DLGAP1: variants seen among roughly 807,000 people sequenced by gnomAD.
DLGAP1 encodes the protein disks large-associated protein 1.
A neutral mutation model predicts 90.8 loss-of-function variants in DLGAP1; 11 were observed. The observed-to-expected ratio is 0.12, with a 90% confidence interval of 0.08 to 0.20. The LOEUF (loss-of-function observed/expected upper bound fraction) is 0.20. Among genes scored for constraint, DLGAP1 ranks in the 10% least tolerant of loss-of-function variants. DLGAP1 has a pLI of 1.00. For missense variants in DLGAP1, 1,050 were observed against 1,333.8 expected (o/e 0.79, Z 3.31); for synonymous variants, 558 against 540.7 (o/e 1.03, Z -0.44).
chr18:4,085,596 C>T (rs1336552440), intron 2 of DLGAP1, among the ~76,000 whole-genome samples: 1 of 152,208 alleles, frequency 6.6e-6, no homozygotes, highest in Non-Finnish European at 1.5e-5. Flanking sequence ...AACCTTCTAA[C>T]TGCCAATATC....
intron 5 of DLGAP1, among the ~76,000 whole-genome samples, chr18:3,757,579 G>A (rs958980438): frequency 6.6e-6 from 1 of 152,084 alleles, no homozygotes; most frequent in Non-Finnish European, 1.5e-5. Flanking sequence ...GGAATGCAAG[G>A]TTGGTTTAGT....
chr18:4,028,392 T>C (rs2074737779), intron 2 of DLGAP1, among the ~76,000 whole-genome samples: 1 of 152,222 alleles, frequency 6.6e-6, no homozygotes, highest in Non-Finnish European at 1.5e-5. Flanking sequence ...CCTCCTGACT[T>C]GCTTGTGCAT....
At chr18:3,839,617 G>A (rs1224513626) in intron 4 of DLGAP1, among the ~76,000 whole-genome samples, 1 of 152,132 alleles carries the variant, frequency 6.6e-6, no homozygotes, top group Non-Finnish European at 1.5e-5. Flanking sequence ...CGGACCTAGG[G>A]CCTCTCAGGG....
At chr18:3,714,033 A>G (rs1436243485) in intron 7 of DLGAP1, among the ~76,000 whole-genome samples, 1 of 152,162 alleles carries the variant, frequency 6.6e-6, no homozygotes, top group Non-Finnish European at 1.5e-5. Context: ...TTCTGTTCCA[A>G]TGCTTCTGGA....
At chr18:3,901,193 C>T (rs779370594) in intron 3 of DLGAP1, among the ~76,000 whole-genome samples, 3 of 152,046 alleles carry the variant, frequency 2.0e-5, no homozygotes, top group South Asian at 2.1e-4. Context: ...ATGGTGCTTA[C>T]GTCCTCCACT....
At chr18:4,423,854 A>T (rs1474060297) in intron 1 of DLGAP1, among the ~76,000 whole-genome samples, 1 of 140,058 alleles carries the variant, frequency 7.1e-6, no homozygotes, top group African/African-American at 3.1e-5. Flanking sequence ...AGGAATTTAA[A>T]AAAAAAAAAA....
intron 4 of DLGAP1, among the ~76,000 whole-genome samples, chr18:3,844,037 T>C (rs2068866431): frequency 6.6e-6 from 1 of 152,214 alleles, no homozygotes; most frequent in South Asian, 2.1e-4. Context: ...TTCTTCTTTA[T>C]CTATAAAAGT....
At chr18:3,749,198 G>T (rs1400873615) in intron 5 of DLGAP1, among the ~76,000 whole-genome samples, 1 of 138,794 alleles carries the variant, frequency 7.2e-6, no homozygotes, top group East Asian at 2.1e-4. Context: ...TGCCCAGGCT[G>T]GAGTGCAGTG....
intron 1 of DLGAP1, among the ~76,000 whole-genome samples, chr18:4,414,815 G>A (rs1304131949): frequency 6.6e-6 from 1 of 151,584 alleles, no homozygotes; most frequent in Non-Finnish European, 1.5e-5. Context: ...CCTTCATATT[G>A]TCAAATGAAC....
Position 3,978,578 on chromosome 18 carries a change from C to T in DLGAP1, c.-73+26538G>A, listed in dbSNP as rs181455624. ...AGTTCCGGTGACCAGGTGCCCAACA[C>T]GACCAAGTTCGTTTACTCTGGCCTT... On this transcript the variant is annotated intron_variant, in intron 3 of 12. Coordinates refer to ENST00000315677, the MANE Select transcript of DLGAP1 (RefSeq NM_004746.4). 790 of 229,744 alleles carry T rather than the reference C, an allele frequency of 3.4e-3. 4 individuals carry two copies. Among genetic ancestry groups the T allele is most frequent in the Non-Finnish European group, 4.7e-3 (522 of 111,384 alleles). The allele number at this position is 229,744 out of a possible 1,614,324, so 14.2% of individuals were successfully genotyped here. A position where few individuals can be genotyped will look rare whatever the true frequency, so the allele number is the denominator to read the frequency against.
chr18:3,705,189 G>A (rs1465679743), intron 7 of DLGAP1, among the ~76,000 whole-genome samples: 1 of 152,068 alleles, frequency 6.6e-6, no homozygotes, highest in East Asian at 1.9e-4. Flanking sequence ...GAATTTTGTT[G>A]GCATGATGAC....
At chr18:4,308,014 C>T (rs557449401) in intron 1 of DLGAP1, among the ~76,000 whole-genome samples, 12 of 152,208 alleles carry the variant, frequency 7.9e-5, no homozygotes, top group South Asian at 4.1e-4. Flanking sequence ...CGTGCCCGGC[C>T]GAGGGTTTGC....
chr18:3,866,401 G>A (rs1007212950), intron 4 of DLGAP1, among the ~76,000 whole-genome samples: 1 of 152,140 alleles, frequency 6.6e-6, no homozygotes, highest in Non-Finnish European at 1.5e-5. Context: ...CTCTTTCTTA[G>A]ACAGCTTAGA....
In DLGAP1 at chr18:3,498,921, T is replaced by C. The variant is rs906103122; in HGVS notation, c.*264A>G. The C allele has an allele frequency of 1.4e-5, 7 of 490,108 alleles. No individual in the cohort carries two copies. The highest frequency in any genetic ancestry group is 2.1e-5 in the Non-Finnish European group (6 of 279,636). 30.4% of individuals were successfully genotyped at this position (490,108 alleles called of 1,614,324 possible). ...TTGGCTTTGCCCAGAAAATAAAGGG[T>C]TGGATCTCAGTATGAGGCAGGGCGA... On this transcript the variant is annotated 3_prime_UTR_variant, in exon 13 of 13. Transcript: ENST00000315677.
chr18:3,720,509 A>G (rs868058375), intron 7 of DLGAP1, among the ~76,000 whole-genome samples: 6 of 152,276 alleles, frequency 3.9e-5, no homozygotes, highest in Middle Eastern at 3.4e-3. Context: ...TTGCCCTGAA[A>G]ACTTGACAGA....
chr18:3,717,688 T>C (rs1371533494), intron 7 of DLGAP1, among the ~76,000 whole-genome samples: 1 of 152,220 alleles, frequency 6.6e-6, no homozygotes, highest in Non-Finnish European at 1.5e-5. Context: ...CCCAGAAAGC[T>C]ACAGCGTTCA....
intron 1 of DLGAP1, among the ~76,000 whole-genome samples, chr18:4,450,842 G>C (rs1032655441): frequency 3.3e-5 from 5 of 152,228 alleles, no homozygotes; most frequent in African/African-American, 1.2e-4. Context: ...AAGGTGGTTT[G>C]CATCTTCATA....
chr18:3,824,532 T>C (rs553345189), intron 4 of DLGAP1, among the ~76,000 whole-genome samples: 1 of 152,348 alleles, frequency 6.6e-6, no homozygotes, highest in African/African-American at 2.4e-5. Flanking sequence ...TCTCAAGTAT[T>C]AATACTTAAT....
chr18:3,716,996 T>C (rs2147288046), intron 7 of DLGAP1, among the ~76,000 whole-genome samples: 1 of 150,290 alleles, frequency 6.7e-6, no homozygotes, highest in Admixed American at 6.6e-5. Context: ...AGAGAGTGGG[T>C]TGTTTCTTAT....
Sources: gnomAD v4.1 joint callset for allele counts (sites outside exome capture counted in the v4.1 genomes callset) on GRCh38, gnomAD v4.1.1 for gene constraint, MANE v1.5 for transcripts, NCBI Gene and HGNC (gene_info 2026-07-23, HGNC 2026-07-21) for gene names.